KIF5B: variants seen among roughly 807,000 people sequenced by gnomAD.
KIF5B encodes the protein kinesin family member 5B, also known as kinesin-1 heavy chain.
KIF5B carries 49 observed loss-of-function variants against 132.8 expected under a neutral mutation model. That is an observed-to-expected ratio of 0.37 (90% CI 0.29 to 0.47). The LOEUF (loss-of-function observed/expected upper bound fraction) is 0.47, where lower values mean the gene tolerates loss of function less well. Ranked by LOEUF, KIF5B falls within the 20% of genes least tolerant of loss-of-function variation. The pLI, the probability that KIF5B is intolerant of heterozygous loss-of-function variation, is 1.00. For synonymous variants in KIF5B, 355 were observed against 369.4 expected, an observed-to-expected ratio of 0.96 and a Z score of 0.45; for missense variants, 780 against 1,144.0, an observed-to-expected ratio of 0.68 and a Z score of 4.59.
At chr10:32,031,310 A>T in intron 13 of KIF5B, 31 bp from the exon 14 acceptor site, 1 of 1,566,458 alleles carries the variant, frequency 6.4e-7, no homozygotes, top group South Asian at 1.1e-5. Context: ...TATTTTCCCC[A>T]AAAGTATACA....
rs534927383 is a variant in KIF5B, at chr10:32,033,897, C to A, written c.1253G>T (p.Arg418Ile). 6.2e-7 allele frequency: 1 copy of A among 1,613,154 alleles called. No individual in the cohort carries two copies. The highest frequency in any genetic ancestry group is 8.5e-7 in the Non-Finnish European group (1 of 1,179,726). Reference sequence around the variant, plus strand: ...AGCAATTTCTTCTTCACACTTTCTTCTTTCAGCATCAGTAAAATTTCCTAT... The same window carrying A: ...AGCAATTTCTTCTTCACACTTTCTTATTTCAGCATCAGTAAAATTTCCTAT... ...GVIGNFTDAE[R>I]RKCEEEIAKL... is the part of the protein sequence containing the mutation. Residue 418 changes from arginine (R) to isoleucine (I), a missense_variant, in exon 12 of 26, where the codon AGA becomes ATA. Physicochemically the swap from Arg to Ile is moderately conservative, Grantham distance 97 (BLOSUM62 -3). Coordinates refer to ENST00000302418, the MANE Select transcript of KIF5B (RefSeq NM_004521.3).
At chr10:32,029,508 T>C (rs1458130735) in intron 14 of KIF5B, among the ~76,000 whole-genome samples, 1 of 152,232 alleles carries the variant, frequency 6.6e-6, no homozygotes, top group Non-Finnish European at 1.5e-5. Context: ...TCCTTAAGTT[T>C]CTGAGTATCA....
rs538874396 is a variant in KIF5B, at chr10:32,041,171, T to C, written c.215-714A>G. ...AAAAAAAAAAAAAAAAAACCAAAAT[T>C]ATTTGTGGAAAGAGTGGCAAGAAAG... is the stretch of plus-strand genomic sequence containing the variant. On this transcript the variant is annotated intron_variant, in intron 2 of 25. Transcript: ENST00000302418. Among the ~76,000 whole-genome samples the C allele has an allele frequency of 9.2e-4, 138 of 149,522 alleles. 2 individuals are homozygous for C. Among genetic ancestry groups the C allele is most frequent in the South Asian group, 3.8e-3 (18 of 4,746 alleles).
At chr10:32,025,011 A>C (rs1445070497) in intron 15 of KIF5B, among the ~76,000 whole-genome samples, 2 of 152,166 alleles carry the variant, frequency 1.3e-5, no homozygotes, top group African/African-American at 4.8e-5. Context: ...CAGGAGGCGG[A>C]GGTTATGGTG....
chr10:32,028,597 T>C (rs367781114), intron 14 of KIF5B, 26 bp from the exon 15 acceptor site: 17 of 1,583,176 alleles, frequency 1.1e-5, no homozygotes, highest in Non-Finnish European at 1.4e-5. Context: ...ACAAAAAGTA[T>C]AGTTAAATCT....
intron 1 of KIF5B, among the ~76,000 whole-genome samples, chr10:32,054,720 G>A (rs990098258): frequency 7.2e-5 from 11 of 152,156 alleles, no homozygotes; most frequent in African/African-American, 2.7e-4. Flanking sequence ...TACCAACAAA[G>A]AGCAACATAA....
intron 1 of KIF5B, among the ~76,000 whole-genome samples, chr10:32,051,553 T>C (rs1412002722): frequency 6.6e-6 from 1 of 152,180 alleles, no homozygotes; most frequent in Non-Finnish European, 1.5e-5. Flanking sequence ...CTTACTAAAA[T>C]AATATAAATG....
At chr10:32,024,146 CTTT>C (rs769483155) in intron 15 of KIF5B, among the ~76,000 whole-genome samples, 75 of 69,720 alleles carry the variant, frequency 1.1e-3, no homozygotes, top group Admixed American at 1.7e-3. Context: ...ATGAAGAACT[CTTT>C]TTTTTTTTTT....
chr10:32,049,130 G>T (rs1330902369), intron 1 of KIF5B, among the ~76,000 whole-genome samples: 4 of 152,182 alleles, frequency 2.6e-5, no homozygotes, highest in South Asian at 2.1e-4. Context: ...TGCCTGTCCT[G>T]CAACAGCTTT....
chr10:32,022,341 A>G, intron 16 of KIF5B, 84 bp from the exon 17 acceptor site: 2 of 670,768 alleles, frequency 3.0e-6, no homozygotes, highest in Non-Finnish European at 5.2e-6. Context: ...TTCATTATCT[A>G]TATATGATAA....
intron 14 of KIF5B, among the ~76,000 whole-genome samples, chr10:32,030,340 A>C (rs2132596374): frequency 6.6e-6 from 1 of 152,144 alleles, no homozygotes; most frequent in East Asian, 1.9e-4. Context: ...AACATGGTGA[A>C]ACCCTGTTGC....
At chr10:32,045,420 T>G (rs937727454) in intron 2 of KIF5B, among the ~76,000 whole-genome samples, 1 of 152,190 alleles carries the variant, frequency 6.6e-6, no homozygotes, top group African/African-American at 2.4e-5. Context: ...ACAAATATGA[T>G]CCTCAAAACA....
rs769483155 is a variant in KIF5B at position 32,024,146 on chromosome 10, CTTTTTTTTTTT to C, written c.1726-1121_1726-1111del. Among the ~76,000 whole-genome samples, 485 of 69,764 alleles carry C rather than the reference CTTTTTTTTTTT, an allele frequency of 7.0e-3. 3 individuals carry two copies. The highest frequency in any genetic ancestry group is 0.02 in the Middle Eastern group (1 of 50). The allele number at this position is 69,764 out of a possible 152,430, so 45.8% of individuals were successfully genotyped here. ...TTATATCCAAAACATATGAAGAACT[CTTTTTTTTTTT>C]TTTTTTTTTTTTTTTGAGACGGAGT... is the stretch of plus-strand genomic sequence containing the variant. On this transcript the variant is annotated intron_variant, in intron 15 of 25. Transcript: ENST00000302418.
At chr10:32,019,593 T>A (rs1841230206) in intron 20 of KIF5B, among the ~76,000 whole-genome samples, 1 of 152,164 alleles carries the variant, frequency 6.6e-6, no homozygotes, top group Non-Finnish European at 1.5e-5. Context: ...CCTGAAGTAA[T>A]ATGGAGATAA....
intron 13 of KIF5B, among the ~76,000 whole-genome samples, chr10:32,032,046 A>C (rs949637098): frequency 6.6e-6 from 1 of 151,540 alleles, no homozygotes; most frequent in Non-Finnish European, 1.5e-5. Flanking sequence ...TCTGAACTGC[A>C]GGGATGCCAA....
rs1483722214 is a variant in KIF5B, at chr10:32,055,963, A to C, written c.11T>G (p.Leu4Arg). 9 of 1,606,918 alleles carry C rather than the reference A, an allele frequency of 5.6e-6. No individual in the cohort carries two copies. The Admixed American group carries it at 1.5e-4, about 27-fold the overall frequency. MAD[L>R]AECNIKVMCR... The stretch of plus-strand genomic sequence containing the variant: ...CATCACTTTGATGTTGCACTCGGCC[A>C]GGTCCGCCATCTTTCTCGCAGCCGG... The change falls in exon 1 of 26, where the codon CTG (leucine) becomes CGG (arginine). Residue 4 changes from leucine to arginine, a missense_variant. By Grantham distance (102) the Leu-to-Arg change is moderately radical (BLOSUM62 -2). Transcript: ENST00000302418.
intron 2 of KIF5B, among the ~76,000 whole-genome samples, chr10:32,043,960 A>C (rs753828675): frequency 2.9e-4 from 44 of 152,146 alleles, no homozygotes; most frequent in Non-Finnish European, 5.1e-4. Flanking sequence ...CTTCTCATCC[A>C]ATCTGTTTAA....
chr10:32,051,713 G>C (rs542490384), intron 1 of KIF5B, among the ~76,000 whole-genome samples: 1 of 152,142 alleles, frequency 6.6e-6, no homozygotes, highest in African/African-American at 2.4e-5. Context: ...TGATGATTTT[G>C]TAATACTAAG....
At chr10:32,048,633 A>G in intron 1 of KIF5B, 82 bp from the exon 2 acceptor site, 1 of 965,726 alleles carries the variant, frequency 1.0e-6, no homozygotes, top group Non-Finnish European at 1.6e-6. Flanking sequence ...ATCATATAAT[A>G]TATTTAATCC....
Sources: gnomAD v4.1 joint callset for allele counts (sites outside exome capture counted in the v4.1 genomes callset) on GRCh38, gnomAD v4.1.1 for gene constraint, MANE v1.5 for transcripts, NCBI Gene and HGNC (gene_info 2026-07-23, HGNC 2026-07-21) for gene names.